The following HIKESHI variants were observed in gnomAD, a reference collection of about 807,000 sequenced individuals.
HIKESHI encodes the protein heat shock protein nuclear import factor hikeshi.
Under a neutral mutation model 25.7 loss-of-function variants are expected in HIKESHI, and 13 were observed. That is an observed-to-expected ratio of 0.51 (90% confidence interval 0.33 to 0.80). HIKESHI has a LOEUF of 0.80. HIKESHI is among the 30% of genes least tolerant of loss of function. The probability of loss-of-function intolerance (pLI) is 0.02; values close to 1 mark genes in which losing one functional copy is unlikely to be tolerated. For synonymous variants in HIKESHI, 76 were observed against 78.7 expected, an observed-to-expected ratio of 0.97 and a Z score of 0.18; for missense variants, 174 against 229.5, an observed-to-expected ratio of 0.76 and a Z score of 1.56.
intron 2 of HIKESHI, among the ~76,000 whole-genome samples, chr11:86,307,136 CATATATCAAATATATATT>C: frequency 1.8e-5 from 2 of 109,344 alleles, no homozygotes; most frequent in Admixed American, 1.1e-4. Flanking sequence ...TAATATACAT[CATATATCAAATATATATT>C]ATGTGTAATA....
intron 4 of HIKESHI, chr11:86,345,246 C>G (rs954913715): frequency 2.1e-6 from 1 of 478,590 alleles, no homozygotes; most frequent in Non-Finnish European, 2.9e-6. Flanking sequence ...GCAAATTTCT[C>G]TCATCTGCTC....
intron 1 of HIKESHI, 61 bp from the exon 2 acceptor site, chr11:86,306,184 C>A: frequency 1.9e-6 from 2 of 1,050,178 alleles, no homozygotes; most frequent in Non-Finnish European, 2.9e-6. Flanking sequence ...ATAAATGATA[C>A]TGTTAAGAGT....
intron 2 of HIKESHI, among the ~76,000 whole-genome samples, chr11:86,323,230 TA>T (rs1007788501): frequency 3.6e-4 from 53 of 145,424 alleles, no homozygotes; most frequent in Non-Finnish European, 2.1e-4. Context: ...GACCCTGTCT[TA>T]AAAAAAAAAA....
intron 2 of HIKESHI, among the ~76,000 whole-genome samples, chr11:86,320,924 T>C (rs1327206658): frequency 2.0e-5 from 3 of 152,124 alleles, no homozygotes; most frequent in Non-Finnish European, 4.4e-5. Flanking sequence ...ATCCTTTTGA[T>C]TGTGGTGTTC....
At chr11:86,322,265 G>A (rs900770613) in intron 2 of HIKESHI, among the ~76,000 whole-genome samples, 29 of 152,162 alleles carry the variant, frequency 1.9e-4, no homozygotes, top group African/African-American at 4.8e-5. Context: ...GGGATTACAG[G>A]TGTGAGCCAC....
At chr11:86,339,083 T>C (rs1297817833) in intron 3 of HIKESHI, among the ~76,000 whole-genome samples, 1 of 152,220 alleles carries the variant, frequency 6.6e-6, no homozygotes, top group African/African-American at 2.4e-5. Flanking sequence ...TCTCACTCTG[T>C]CGCCCAGGCT....
chr11:86,338,841 A>G (rs1947641832), intron 3 of HIKESHI, among the ~76,000 whole-genome samples: 1 of 152,226 alleles, frequency 6.6e-6, no homozygotes, highest in Non-Finnish European at 1.5e-5. Flanking sequence ...AGTGTCTGGA[A>G]AATACACATT....
At chr11:86,334,925 G>C (rs897380211) in intron 2 of HIKESHI, among the ~76,000 whole-genome samples, 1 of 152,206 alleles carries the variant, frequency 6.6e-6, no homozygotes, top group African/African-American at 2.4e-5. Flanking sequence ...CAGGATATGA[G>C]CAACTGTGTC....
chr11:86,342,460 TAAAGATATAAAGATGTTC>T (rs1407438546), intron 3 of HIKESHI, among the ~76,000 whole-genome samples: 48 of 151,482 alleles, frequency 3.2e-4, no homozygotes, highest in Non-Finnish European at 4.9e-4. Context: ...TCCTGATATG[TAAAGATATAAAGATGTTC>T]GTGTGTGTGT....
At chr11:86,315,481 C>T (rs147354398) in intron 2 of HIKESHI, among the ~76,000 whole-genome samples, 2,292 of 152,154 alleles carry the variant, frequency 0.015, 31 homozygotes, top group Non-Finnish European at 0.027. Context: ...CCACCATGCC[C>T]GGCTAATTTT....
chr11:86,331,823 T>G (rs940703576), intron 2 of HIKESHI, among the ~76,000 whole-genome samples: 3 of 152,012 alleles, frequency 2.0e-5, no homozygotes, highest in African/African-American at 7.3e-5. Flanking sequence ...AAGCAGGGAG[T>G]TTTTAGAAAT....
chr11:86,344,762 A>G (rs1947827338), intron 4 of HIKESHI, 41 bp downstream of exon 4: 2 of 1,240,482 alleles, frequency 1.6e-6, no homozygotes, highest in South Asian at 1.2e-5. Context: ...GGCTTTTTAT[A>G]ACTGAATATC....
At chr11:86,310,639 C>T (rs938751333) in intron 2 of HIKESHI, among the ~76,000 whole-genome samples, 2 of 152,132 alleles carry the variant, frequency 1.3e-5, no homozygotes, top group Admixed American at 6.5e-5. Flanking sequence ...CTGTTTTGTG[C>T]CAGTTTTCAA....
chr11:86,324,933 C>A (rs1180230515), intron 2 of HIKESHI, among the ~76,000 whole-genome samples: 3 of 152,102 alleles, frequency 2.0e-5, no homozygotes, highest in Non-Finnish European at 4.4e-5. Flanking sequence ...AATTTCAGCA[C>A]TTCGGGAGGT....
At chr11:86,327,756 A>G (rs1350643358) in intron 2 of HIKESHI, among the ~76,000 whole-genome samples, 2 of 152,236 alleles carry the variant, frequency 1.3e-5, no homozygotes, top group Non-Finnish European at 2.9e-5. Context: ...TTAATTCCCT[A>G]TTAATGGAAA....
chr11:86,302,395 G>T lies in HIKESHI; in HGVS notation c.-54G>T. The T allele has an allele frequency of 6.5e-7, 1 of 1,550,240 alleles. No homozygotes were observed. Among genetic ancestry groups the T allele is most frequent in the South Asian group, 1.2e-5 (1 of 84,010 alleles). On this transcript the variant is annotated 5_prime_UTR_variant, in exon 1 of 5. Coordinates refer to ENST00000278483, the MANE Select transcript of HIKESHI (RefSeq NM_016401.4). ...GTCTCGACTAGGGCAGTAGCCCCAG[G>T]ACTCCTAGTCGCCGGCTTCAGGTCA...
At chr11:86,329,678 C>A (rs1947372318) in intron 2 of HIKESHI, among the ~76,000 whole-genome samples, 1 of 150,070 alleles carries the variant, frequency 6.7e-6, no homozygotes, top group Non-Finnish European at 1.5e-5. Flanking sequence ...AAATGCATAA[C>A]AATGGTTTTT....
chr11:86,345,537 TA>T, intron 4 of HIKESHI, 46 bp from the exon 5 acceptor site: 1 of 1,087,410 alleles, frequency 9.2e-7, no homozygotes, highest in Non-Finnish European at 1.4e-6. Context: ...TGAAAGATCC[TA>T]TTTTAATTTT....
At chr11:86,307,841 A>G (rs1463639757) in intron 2 of HIKESHI, among the ~76,000 whole-genome samples, 2 of 119,024 alleles carry the variant, frequency 1.7e-5, no homozygotes, top group African/African-American at 3.4e-5. Flanking sequence ...TTATATAAAT[A>G]TATATTATGT....
Sources: allele counts gnomAD v4.1 joint callset (sites outside exome capture counted in the v4.1 genomes callset), GRCh38; gene constraint gnomAD v4.1.1; transcripts MANE v1.5; gene names NCBI Gene and HGNC (gene_info 2026-07-23, HGNC 2026-07-21).